Variants in TMEFF1 observed in about 807,000 individuals in gnomAD.
The protein encoded by TMEFF1 is transmembrane protein with EGF like and two follistatin like domains 1, also known as tomoregulin-1.
TMEFF1 carries 20 observed loss-of-function variants against 47.5 expected under a neutral mutation model. The observed-to-expected ratio is 0.42, with a 90% CI of 0.30 to 0.61. TMEFF1 has a LOEUF of 0.61. TMEFF1 is among the 20% of genes least tolerant of loss of function. The pLI is 0.19. For synonymous variants in TMEFF1, 162 were observed against 166.3 expected (o/e 0.97, Z 0.20); for missense variants, 411 against 471.1 (o/e 0.87, Z 1.18).
intron 1 of TMEFF1, among the ~76,000 whole-genome samples, chr9:100,479,989 T>C (rs2118236877): frequency 6.6e-6 from 1 of 152,342 alleles, no homozygotes; most frequent in Middle Eastern, 3.4e-3. Context: ...CTACCAGCAA[T>C]GTTTGAAGAT....
intron 8 of TMEFF1, among the ~76,000 whole-genome samples, chr9:100,563,100 G>A (rs969036497): frequency 7.2e-5 from 11 of 152,204 alleles, no homozygotes; most frequent in Non-Finnish European, 1.6e-4. Context: ...GCAGGTGTGA[G>A]CCACCATGCC....
intron 1 of TMEFF1, among the ~76,000 whole-genome samples, chr9:100,484,379 G>A (rs1298949551): frequency 6.6e-6 from 1 of 150,420 alleles, no homozygotes; most frequent in Non-Finnish European, 1.5e-5. Context: ...GTGCAATGGT[G>A]CGATCTTGGC....
chr9:100,539,751 C>T (rs1341154565), intron 5 of TMEFF1, among the ~76,000 whole-genome samples: 1 of 152,162 alleles, frequency 6.6e-6, no homozygotes, highest in African/African-American at 2.4e-5. Context: ...CCACTGCTGG[C>T]TTAGGCAGCC....
chr9:100,527,773 C>T (rs2118430609), intron 5 of TMEFF1, among the ~76,000 whole-genome samples: 1 of 152,332 alleles, frequency 6.6e-6, no homozygotes, highest in Non-Finnish European at 1.5e-5. Flanking sequence ...TCTGTAGGCT[C>T]CACCTCTGGG....
intron 8 of TMEFF1, 84 bp downstream of exon 8, chr9:100,561,604 A>G: frequency 7.1e-7 from 1 of 1,409,702 alleles, no homozygotes; most frequent in South Asian, 1.9e-5. Context: ...AATGTAGACT[A>G]AATATTACCA....
intron 2 of TMEFF1, 110 bp from the exon 3 acceptor site, chr9:100,508,895 T>A: frequency 2.1e-5 from 24 of 1,152,970 alleles, no homozygotes; most frequent in Admixed American, 3.5e-5. Flanking sequence ...AACCCCAGAC[T>A]ATTCAGTAGC....
rs1837913759 is a variant in TMEFF1, at chr9:100,509,043, G to A, written c.345G>A (p.Gly115=). 6.2e-7 allele frequency: 1 copy of A among 1,603,454 alleles called. No individual in the cohort carries two copies. The highest frequency in any genetic ancestry group is 1.3e-5 in the African/African-American group (1 of 74,262). The change falls in exon 3 of 10, where the codon GGG becomes GGA. Residue 115 remains glycine (G), a synonymous_variant. Coordinates refer to ENST00000374879, the MANE Select transcript of TMEFF1 (RefSeq NM_003692.5). Reference sequence around the variant, plus strand: ...ATATTCCTGTCTGTGGATCAAATGGGGACACTTATCAAAATGAATGCTTTC... The same window carrying A: ...ATATTCCTGTCTGTGGATCAAATGGAGACACTTATCAAAATGAATGCTTTC... The part of the protein sequence containing the change: ...TNYIPVCGSN[G]DTYQNECFLR...
chr9:100,475,577 C>G (rs1214194511), intron 1 of TMEFF1, among the ~76,000 whole-genome samples: 2 of 152,094 alleles, frequency 1.3e-5, no homozygotes, highest in Non-Finnish European at 2.9e-5. Context: ...CTAATTCGTT[C>G]TTAGCAAAAT....
Position 100,572,579 on chromosome 9 carries a change from G to A in TMEFF1, c.961G>A (p.Val321Met). ...GACAGACTTTAGTATTCTCTATGTA[G>A]TGCCAAGTAGGCAAAAGCTCACTCA... The part of the protein sequence containing the change: ...EKTDFSILYV[V>M]PSRQKLTHVL... Residue 321 changes from valine (V) to methionine (M), a missense_variant, in exon 9 of 10, where the codon GTG (valine) becomes ATG (methionine). Transcript: ENST00000374879. 1 of 1,613,644 alleles carries A rather than the reference G, an allele frequency of 6.2e-7. No individual in the cohort carries two copies. The highest frequency in any genetic ancestry group is 8.5e-7 in the Non-Finnish European group (1 of 1,179,754).
intron 7 of TMEFF1, among the ~76,000 whole-genome samples, chr9:100,558,039 CT>C (rs1192208147): frequency 6.6e-6 from 1 of 152,124 alleles, no homozygotes; most frequent in Non-Finnish European, 1.5e-5. Context: ...ATACCACATT[CT>C]TTCATTAATT....
intron 1 of TMEFF1, among the ~76,000 whole-genome samples, chr9:100,489,962 C>G (rs558671570): frequency 6.6e-6 from 1 of 152,120 alleles, no homozygotes; most frequent in African/African-American, 2.4e-5. Flanking sequence ...TCTGATCTTA[C>G]AGTAGTTTTT....
chr9:100,542,587 C>T (rs1838654180), intron 5 of TMEFF1, among the ~76,000 whole-genome samples: 1 of 152,180 alleles, frequency 6.6e-6, no homozygotes, highest in Admixed American at 6.5e-5. Context: ...TCACTTTTAG[C>T]TATAAACAAT....
intron 1 of TMEFF1, among the ~76,000 whole-genome samples, chr9:100,474,927 T>A (rs938914609): frequency 5.9e-5 from 9 of 152,182 alleles, no homozygotes. Context: ...ATTATGGCCC[T>A]GGGGCAAAGA....
In TMEFF1 at chr9:100,572,572, C is replaced by G. The variant is rs746888244; in HGVS notation, c.954C>G (p.Leu318=). ...GTGAAAAGACAGACTTTAGTATTCT[C>G]TATGTAGTGCCAAGTAGGCAAAAGC... is the stretch of plus-strand genomic sequence containing the variant. The part of the protein sequence containing the change: ...QHCEKTDFSI[L]YVVPSRQKLT... The change falls in exon 9 of 10, where the codon CTC becomes CTG. Residue 318 remains leucine (L), a synonymous_variant. Coordinates refer to ENST00000374879, the MANE Select transcript of TMEFF1 (RefSeq NM_003692.5). 1 of 1,613,418 alleles carries G rather than the reference C, an allele frequency of 6.2e-7. No individual in the cohort carries two copies. Among genetic ancestry groups the G allele is most frequent in the East Asian group, 2.2e-5 (1 of 44,840 alleles).
chr9:100,530,254 T>C (rs1447933573), intron 5 of TMEFF1, among the ~76,000 whole-genome samples: 5 of 151,068 alleles, frequency 3.3e-5, no homozygotes, highest in Non-Finnish European at 7.4e-5. Context: ...AGAGCAGAAC[T>C]GAAGGACACA....
chr9:100,565,096 G>A (rs1038779918), intron 8 of TMEFF1, among the ~76,000 whole-genome samples: 1 of 152,126 alleles, frequency 6.6e-6, no homozygotes, highest in South Asian at 2.1e-4. Flanking sequence ...TGGGATATCC[G>A]CTTACAGATG....
intron 2 of TMEFF1, among the ~76,000 whole-genome samples, chr9:100,503,989 A>G (rs1186506319): frequency 2.0e-5 from 3 of 152,226 alleles, no homozygotes; most frequent in Non-Finnish European, 4.4e-5. Context: ...TGTATTCAGC[A>G]TAGTTCCTGA....
Position 100,473,566 on chromosome 9 carries a change from G to T in TMEFF1, c.22G>T (p.Ala8Ser). MGAAAAEAPLRLPAAPPL... is the reference protein window; with the variant it reads MGAAAAESPLRLPAAPPL... ...AGTCATGGGCGCCGCAGCCGCTGAGGCGCCGCTCCGGCTGCCTGCCGCGCC... is the reference window on the plus strand; with the variant it reads ...AGTCATGGGCGCCGCAGCCGCTGAGTCGCCGCTCCGGCTGCCTGCCGCGCC... The change falls in exon 1 of 10, where the codon GCG becomes TCG. Residue 8 changes from alanine (A) to serine (S), a missense_variant. Physicochemically the swap from Ala to Ser is moderately conservative, Grantham distance 99. Transcript: ENST00000374879. The surrounding 1 kb of genome is among the most constrained non-coding windows in gnomAD (Gnocchi z 5.4). The T allele has an allele frequency of 1.9e-6, 3 of 1,538,732 alleles. No individual in the cohort carries two copies. The highest frequency in any genetic ancestry group is 1.7e-6 in the Non-Finnish European group (2 of 1,144,964).
At chr9:100,541,348 A>ATTTTTT (rs34971752) in intron 5 of TMEFF1, among the ~76,000 whole-genome samples, 1 of 106,790 alleles carries the variant, frequency 9.4e-6, no homozygotes, top group Admixed American at 9.4e-5. Context: ...TGGCAATTTC[A>ATTTTTT]TTTTTTTTTT....
Sources: gnomAD v4.1 joint callset for allele counts (sites outside exome capture counted in the v4.1 genomes callset) on GRCh38, gnomAD v4.1.1 for gene constraint, Gnocchi (gnomAD v3.1) non-coding constraint, MANE v1.5 for transcripts, NCBI Gene and HGNC (gene_info 2026-07-23, HGNC 2026-07-21) for gene names.